DNAAF11: variants seen among roughly 807,000 people sequenced by gnomAD.
DNAAF11 encodes the protein dynein axonemal assembly factor 11, also known as leucine rich repeat containing 6.
Under a neutral mutation model 60.8 loss-of-function variants are expected in DNAAF11, and 45 were observed. The ratio of observed to expected loss-of-function variants is 0.74; its 90% CI spans 0.58 to 0.95. The LOEUF (loss-of-function observed/expected upper bound fraction) is 0.95. Among genes scored for constraint, DNAAF11 ranks in the 40% least tolerant of loss-of-function variants. The probability of loss-of-function intolerance (pLI) is 0.00; values close to 1 mark genes in which losing one functional copy is unlikely to be tolerated. For missense variants in DNAAF11, 546 were observed against 546.2 expected (o/e 1.00, Z 0.00); for synonymous variants, 191 against 183.5 (o/e 1.04, Z -0.33).
chr8:132,677,631 C>G (rs1171614943), upstream of DNAAF11, among the ~76,000 whole-genome samples: 1 of 152,048 alleles, frequency 6.6e-6, no homozygotes, highest in Admixed American at 6.6e-5. Flanking sequence ...ATAGTCCCAG[C>G]TACTTGGGAG....
At chr8:132,652,176 G>C (rs1165508617) in intron 3 of DNAAF11, among the ~76,000 whole-genome samples, 1 of 152,140 alleles carries the variant, frequency 6.6e-6, no homozygotes, top group Non-Finnish European at 1.5e-5. Context: ...CCATGGCCCT[G>C]CACTCTAAAG....
intron 3 of DNAAF11, among the ~76,000 whole-genome samples, chr8:132,644,995 A>G (rs1180181921): frequency 6.6e-6 from 1 of 152,188 alleles, no homozygotes; most frequent in East Asian, 1.9e-4. Flanking sequence ...TGGTCCTCCC[A>G]GCATGGAGTT....
intron 3 of DNAAF11, among the ~76,000 whole-genome samples, chr8:132,651,808 A>G (rs192659158): frequency 1.3e-5 from 2 of 152,328 alleles, no homozygotes; most frequent in Admixed American, 6.5e-5. Context: ...GACATACAGT[A>G]AATTTTATTA....
At chr8:132,656,245 C>A (rs1258730805) in intron 3 of DNAAF11, among the ~76,000 whole-genome samples, 2 of 152,018 alleles carry the variant, frequency 1.3e-5, no homozygotes, top group Non-Finnish European at 1.5e-5. Flanking sequence ...TAGTATGAAA[C>A]CATTAATAGA....
chr8:132,590,900 T>C (rs948577998), intron 10 of DNAAF11, among the ~76,000 whole-genome samples: 7 of 152,330 alleles, frequency 4.6e-5, no homozygotes, highest in South Asian at 2.1e-4. Flanking sequence ...ATATTTTACA[T>C]TGCTATTCAA....
intron 5 of DNAAF11, among the ~76,000 whole-genome samples, chr8:132,626,301 T>C (rs1820278160): frequency 6.6e-6 from 1 of 152,180 alleles, no homozygotes; most frequent in South Asian, 2.1e-4. Flanking sequence ...TCCACCCGCC[T>C]CGGCCTCCCA....
rs764900666 is a variant in DNAAF11, at chr8:132,622,608, T to C, written c.914+3A>G. ...CTTTAACGCTCTATTTGGCCTCACATACTTGGGCTCATTCACATTTAGGGC... is the reference window on the plus strand; with the variant it reads ...CTTTAACGCTCTATTTGGCCTCACACACTTGGGCTCATTCACATTTAGGGC... On this transcript the variant is annotated splice_donor_region_variant and intron_variant, in intron 7 of 11. Transcript: ENST00000620350. The C allele has an allele frequency of 5.6e-6, 9 of 1,612,486 alleles. No individual in the cohort carries two copies. The highest frequency in any genetic ancestry group is 7.6e-6 in the Non-Finnish European group (9 of 1,178,760).
the DNAAF11 span, among the ~76,000 whole-genome samples, chr8:132,691,210 T>G: frequency 6.6e-6 from 1 of 152,214 alleles, no homozygotes; most frequent in Non-Finnish European, 1.5e-5. Context: ...CTCATGGATA[T>G]TTACTTTATA....
chr8:132,595,347 G>GAAAAAAAAAAAAAAAAAAAAAAAA (rs1563992420), intron 10 of DNAAF11, among the ~76,000 whole-genome samples: 2 of 40,676 alleles, frequency 4.9e-5, no homozygotes, highest in African/African-American at 8.0e-5. Flanking sequence ...GAGACAGAGG[G>GAAAAAAAAAAAAAAAAAAAAAAAA]GAAAAAAAAA....
intron 3 of DNAAF11, among the ~76,000 whole-genome samples, chr8:132,646,319 A>G (rs916644702): frequency 6.6e-6 from 1 of 152,210 alleles, no homozygotes; most frequent in African/African-American, 2.4e-5. Context: ...CCTGCCTTAC[A>G]AGAGCTCCTG....
chr8:132,592,144 A>T (rs1255971615), intron 10 of DNAAF11, among the ~76,000 whole-genome samples: 1 of 152,158 alleles, frequency 6.6e-6, no homozygotes, highest in African/African-American at 2.4e-5. Context: ...TTGAGTTCTT[A>T]CAACATGCCA....
At chr8:132,651,298 ATT>A (rs369657453) in intron 3 of DNAAF11, among the ~76,000 whole-genome samples, 1 of 148,618 alleles carries the variant, frequency 6.7e-6, no homozygotes, top group African/African-American at 2.5e-5. Flanking sequence ...GATACTAGCT[ATT>A]TTTTTTTTGC....
At chr8:132,614,718 C>A (rs974762345) in intron 8 of DNAAF11, among the ~76,000 whole-genome samples, 1 of 152,118 alleles carries the variant, frequency 6.6e-6, no homozygotes, top group Non-Finnish European at 1.5e-5. Flanking sequence ...GCATTTTAGA[C>A]AAAAACAGAG....
chr8:132,649,117 A>C (rs1324793156), intron 3 of DNAAF11, among the ~76,000 whole-genome samples: 1 of 152,230 alleles, frequency 6.6e-6, no homozygotes, highest in African/African-American at 2.4e-5. Context: ...ACTTCAAACT[A>C]TACTACAAGG....
upstream of DNAAF11, among the ~76,000 whole-genome samples, chr8:132,676,154 G>C (rs56406018): frequency 6.6e-6 from 1 of 152,010 alleles, no homozygotes; most frequent in Non-Finnish European, 1.5e-5. Context: ...TTCCAGAAAC[G>C]CCACCCATTA....
At position 132,610,175 on chromosome 8, in the gene DNAAF11, G is replaced by A; in HGVS notation, c.1131C>T (p.Cys377=). 6.2e-7 allele frequency: 1 copy of A among 1,612,542 alleles called. No individual in the cohort carries two copies. The highest frequency in any genetic ancestry group is 8.5e-7 in the Non-Finnish European group (1 of 1,178,650). The change falls in exon 10 of 12, where the codon TGC becomes TGT. Residue 377 remains cysteine, a synonymous_variant. Transcript: ENST00000620350. ...RSQTTGHLVI[C]MPKVGEVITG... is the part of the protein sequence containing the mutation. Reference sequence around the variant, plus strand: ...AAATGACATGACCTACCTTGGGCATGCAGATGACCAAATGACCCGTTGTCT... The same window carrying A: ...AAATGACATGACCTACCTTGGGCATACAGATGACCAAATGACCCGTTGTCT...
the DNAAF11 span, among the ~76,000 whole-genome samples, chr8:132,702,733 TG>T: frequency 3.9e-5 from 6 of 152,164 alleles, no homozygotes; most frequent in South Asian, 1.2e-3. Flanking sequence ...TTTTAAAGAC[TG>T]GGAAATTAAA....
chr8:132,694,378 C>T, the DNAAF11 span, among the ~76,000 whole-genome samples: 1 of 152,058 alleles, frequency 6.6e-6, no homozygotes, highest in African/African-American at 2.4e-5. Context: ...AAATTGGACA[C>T]AGACACAGAC....
At chr8:132,598,446 T>A (rs1817245155) in intron 10 of DNAAF11, among the ~76,000 whole-genome samples, 1 of 152,210 alleles carries the variant, frequency 6.6e-6, no homozygotes, top group Non-Finnish European at 1.5e-5. Context: ...GTGAGTTGTT[T>A]AAACTGTTTA....
Sources: gnomAD v4.1 joint callset for allele counts (sites outside exome capture counted in the v4.1 genomes callset) on GRCh38, gnomAD v4.1.1 for gene constraint, MANE v1.5 for transcripts, NCBI Gene and HGNC (gene_info 2026-07-23, HGNC 2026-07-21) for gene names.